The following PIEZO2 variants were observed in gnomAD, a reference collection of about 807,000 sequenced individuals.
The protein encoded by PIEZO2 is piezo-type mechanosensitive ion channel component 2.
In PIEZO2, 172 loss-of-function variants were observed where a neutral mutation model predicts 337.3. That is an observed-to-expected ratio of 0.51 (90% CI 0.45 to 0.58). The LOEUF (loss-of-function observed/expected upper bound fraction) is 0.58, where lower values mean the gene tolerates loss of function less well. Ranked by LOEUF, PIEZO2 falls within the 20% of genes least tolerant of loss-of-function variation. The pLI is 0.00. For synonymous variants in PIEZO2, 1,251 were observed against 1,228.5 expected, an observed-to-expected ratio of 1.02 and a Z score of -0.38; for missense variants, 3,028 against 3,391.3, an observed-to-expected ratio of 0.89 and a Z score of 2.66.
At chr18:10,770,056 T>A in intron 21 of PIEZO2, 92 bp downstream of exon 21, 2 of 1,320,654 alleles carry the variant, frequency 1.5e-6, no homozygotes, top group South Asian at 2.9e-5. Context: ...GTAATGCGGA[T>A]CACATTAAAA....
intron 18 of PIEZO2, among the ~76,000 whole-genome samples, chr18:10,778,378 G>A (rs1482626325): frequency 7.1e-6 from 1 of 140,118 alleles, no homozygotes; most frequent in Admixed American, 7.7e-5. Flanking sequence ...TGTCGCCCAG[G>A]CTGGAGTGCA....
rs1475232905 is a variant in PIEZO2, at chr18:11,028,800, A to G, written c.160+37327T>C. Among the ~76,000 whole-genome samples, 1 of 152,192 alleles carries G rather than the reference A, an allele frequency of 6.6e-6. No homozygotes were observed. Among genetic ancestry groups the G allele is most frequent in the African/African-American group, 2.4e-5 (1 of 41,456 alleles). On this transcript the variant is annotated intron_variant, in intron 2 of 55. Transcript: ENST00000674853. The surrounding 1 kb of genome is among the most constrained non-coding windows in gnomAD (Gnocchi z 4.8). Reference sequence around the variant, plus strand: ...TGGTGCTGTGCAGCTCATCAGGATTAGTCTTTCTTGTGCTTGGTACTCTAT... The same window carrying G: ...TGGTGCTGTGCAGCTCATCAGGATTGGTCTTTCTTGTGCTTGGTACTCTAT...
At chr18:11,023,561 CAG>C (rs2036398660) in intron 2 of PIEZO2, among the ~76,000 whole-genome samples, 1 of 152,270 alleles carries the variant, frequency 6.6e-6, no homozygotes, top group Non-Finnish European at 1.5e-5. Flanking sequence ...AAGTCCCCAC[CAG>C]AGTCAGGAGC....
At chr18:10,743,501 C>T (rs2037305283) in intron 31 of PIEZO2, among the ~76,000 whole-genome samples, 1 of 152,156 alleles carries the variant, frequency 6.6e-6, no homozygotes, top group Non-Finnish European at 1.5e-5. Context: ...AGTCAGTCTA[C>T]CCCTTGGCCC....
chr18:10,907,536 C>T (rs747141363), intron 4 of PIEZO2, among the ~76,000 whole-genome samples: 1 of 152,110 alleles, frequency 6.6e-6, no homozygotes, highest in Non-Finnish European at 1.5e-5. Context: ...CCCGTGGAGG[C>T]GAGCTGCCCC....
In PIEZO2 at chr18:10,758,068, G is replaced by A; in HGVS notation, c.3824C>T (p.Ala1275Val). ...ATTGTCACCTGCCATGATTCGCACT[G>A]CAGCCTTGTTCTCATCCTCAAAAAT... ...RQIFEDENKA[A>V]VRIMAGDNVE... The change falls in exon 27 of 56, where the codon GCA (alanine) becomes GTA (valine). Residue 1275 changes from alanine (A) to valine (V), a missense_variant. By Grantham distance (64) the Ala-to-Val change is moderately conservative. Transcript: ENST00000674853. The A allele has an allele frequency of 5.2e-6, 8 of 1,537,550 alleles. No homozygotes were observed. Among genetic ancestry groups the A allele is most frequent in the Non-Finnish European group, 7.0e-6 (8 of 1,146,880 alleles).
chr18:11,124,955 A>G (rs1347843472), intron 1 of PIEZO2, among the ~76,000 whole-genome samples: 1 of 152,158 alleles, frequency 6.6e-6, no homozygotes, highest in Non-Finnish European at 1.5e-5. Context: ...TTGTACCTGA[A>G]TGTATACTAG....
rs901261881 is a variant in PIEZO2 at position 10,716,887 on chromosome 18, C to T, written c.5090-1071G>A. Among the ~76,000 whole-genome samples the T allele has an allele frequency of 2.2e-4, 34 of 152,154 alleles. No homozygotes were observed. Among genetic ancestry groups the T allele is most frequent in the African/African-American group, 7.2e-4 (30 of 41,432 alleles). ...ATGATGAAGGTGAACATTATTACGGCGTGGTTTTGCTACAGTGGGCCTGAT... is the reference window on the plus strand; with the variant it reads ...ATGATGAAGGTGAACATTATTACGGTGTGGTTTTGCTACAGTGGGCCTGAT... On this transcript the variant is annotated intron_variant, in intron 37 of 55. Coordinates refer to ENST00000674853, the MANE Select transcript of PIEZO2 (RefSeq NM_001378183.1). This position sits in a 1 kb window ranked among gnomAD's most constrained non-coding sequence, Gnocchi z 4.1.
chr18:10,988,398 C>T lies in PIEZO2; in HGVS notation c.161-8738G>A, dbSNP rs538058940. ...GCACAAATGTATTAAGAAAGCCTCA[C>T]ACCTGTTAAGATGACTATTTTTGAA... On this transcript the variant is annotated intron_variant, in intron 2 of 55. Transcript: ENST00000674853. The surrounding 1 kb of genome is among the most constrained non-coding windows in gnomAD (Gnocchi z 4.8). 6.6e-6 allele frequency among the ~76,000 whole-genome samples: 1 copy of T among 152,168 alleles called. No individual in the cohort carries two copies. Among genetic ancestry groups the T allele is most frequent in the Non-Finnish European group, 1.5e-5 (1 of 68,030 alleles).
chr18:10,950,196 G>A (rs537435593), intron 3 of PIEZO2, among the ~76,000 whole-genome samples: 64 of 152,278 alleles, frequency 4.2e-4, no homozygotes, highest in African/African-American at 1.4e-3. Context: ...GCATAGATAA[G>A]CCCACTTTTT....
intron 35 of PIEZO2, among the ~76,000 whole-genome samples, 166 bp from the exon 36 acceptor site, chr18:10,731,687 A>G (rs1423358869): frequency 1.3e-5 from 2 of 151,934 alleles, no homozygotes; most frequent in Non-Finnish European, 2.9e-5. Context: ...TTAGAAAAAG[A>G]CAACAGATGT....
rs1051281583 is a variant in PIEZO2 at position 11,127,287 on chromosome 18, A to G, written c.64+21238T>C. Among the ~76,000 whole-genome samples, 1 of 152,210 alleles carries G rather than the reference A, an allele frequency of 6.6e-6. No individual in the cohort carries two copies. The highest frequency in any genetic ancestry group is 3.2e-3 in the Middle Eastern group (1 of 316). The stretch of plus-strand genomic sequence containing the variant: ...CACACAGCCACTGCAAAGAACTTAA[A>G]GCAAAAATAGTTGCATCTGAATGTG... On this transcript the variant is annotated intron_variant, in intron 1 of 55. Coordinates refer to ENST00000674853, the MANE Select transcript of PIEZO2 (RefSeq NM_001378183.1). This position sits in a 1 kb window ranked among gnomAD's most constrained non-coding sequence, Gnocchi z 4.5.
At position 11,131,116 on chromosome 18, in the gene PIEZO2, G is replaced by T. The variant is rs2040328176; in HGVS notation, c.64+17409C>A. On this transcript the variant is annotated intron_variant, in intron 1 of 55. Transcript: ENST00000674853. This position sits in a 1 kb window ranked among gnomAD's most constrained non-coding sequence, Gnocchi z 5.3. ...ACTCTCCTTTTGAGAGACAGCTCTT[G>T]GCTGACACTGGACTTTGGTGGAAAC... 6.6e-6 allele frequency among the ~76,000 whole-genome samples: 1 copy of T among 152,186 alleles called. No individual in the cohort carries two copies. Among genetic ancestry groups the T allele is most frequent in the African/African-American group, 2.4e-5 (1 of 41,442 alleles).
chr18:10,923,749 C>G (rs116801968), intron 3 of PIEZO2, among the ~76,000 whole-genome samples: 1 of 152,170 alleles, frequency 6.6e-6, no homozygotes, highest in African/African-American at 2.4e-5. Context: ...TCTCTCAGAA[C>G]TGTAAATGAA....
At chr18:11,089,508 T>C (rs965680035) in intron 1 of PIEZO2, among the ~76,000 whole-genome samples, 3 of 152,154 alleles carry the variant, frequency 2.0e-5, no homozygotes, top group South Asian at 2.1e-4. Context: ...TAAGCTTGTA[T>C]AACTGAGTTT....
rs1325307480 is a variant in PIEZO2, at chr18:11,125,131, A to G, written c.64+23394T>C. 6.7e-6 allele frequency among the ~76,000 whole-genome samples: 1 copy of G among 149,938 alleles called. No homozygotes were observed. Among genetic ancestry groups the G allele is most frequent in the Non-Finnish European group, 1.5e-5 (1 of 67,994 alleles). ...CATACCCATTTCACAGAGCATTTGCAAATATTAAATGGGAGAAAGAACACA... is the reference window on the plus strand; with the variant it reads ...CATACCCATTTCACAGAGCATTTGCGAATATTAAATGGGAGAAAGAACACA... On this transcript the variant is annotated intron_variant, in intron 1 of 55. Transcript: ENST00000674853. This position sits in a 1 kb window ranked among gnomAD's most constrained non-coding sequence, Gnocchi z 4.4.
intron 1 of PIEZO2, among the ~76,000 whole-genome samples, chr18:11,098,820 C>T (rs2039330536): frequency 6.6e-6 from 1 of 151,746 alleles, no homozygotes; most frequent in South Asian, 2.1e-4. Flanking sequence ...TTTTTTGAGA[C>T]AGGGTCTTAC....
chr18:10,954,176 A>G lies in PIEZO2; in HGVS notation c.286+25359T>C, dbSNP rs781510290. On this transcript the variant is annotated intron_variant, in intron 3 of 55. Coordinates refer to ENST00000674853, the MANE Select transcript of PIEZO2 (RefSeq NM_001378183.1). This position sits in a 1 kb window ranked among gnomAD's most constrained non-coding sequence, Gnocchi z 4.2. ...CTTTGGCTATTGTAGTTTTTTTTCC[A>G]TATATATTTTAGAGTCAGCTTGTTG... Among the ~76,000 whole-genome samples the G allele has an allele frequency of 2.6e-5, 4 of 151,938 alleles. No homozygotes were observed. Among genetic ancestry groups the G allele is most frequent in the East Asian group, 1.9e-4 (1 of 5,196 alleles).
chr18:11,074,780 T>A (rs1161277204), intron 1 of PIEZO2, among the ~76,000 whole-genome samples: 2 of 152,226 alleles, frequency 1.3e-5, no homozygotes, highest in Non-Finnish European at 2.9e-5. Flanking sequence ...AAAATACTTG[T>A]GTTGCAATAG....
Sources: gnomAD v4.1 joint callset for allele counts (sites outside exome capture counted in the v4.1 genomes callset) on GRCh38, gnomAD v4.1.1 for gene constraint, Gnocchi (gnomAD v3.1) non-coding constraint, MANE v1.5 for transcripts, NCBI Gene and HGNC (gene_info 2026-07-23, HGNC 2026-07-21) for gene names.